The following EPM2A variants were observed in gnomAD, a reference collection of about 807,000 sequenced individuals.
EPM2A encodes laforin.
Under a neutral mutation model 26.5 loss-of-function variants are expected in EPM2A, and 21 were observed. The observed-to-expected ratio is 0.79, with a 90% CI of 0.56 to 1.14. The LOEUF (loss-of-function observed/expected upper bound fraction) is 1.14. EPM2A is among the 50% of genes most tolerant of loss of function. The pLI is 0.00. For missense variants in EPM2A, 458 were observed against 440.8 expected, an observed-to-expected ratio of 1.04 and a Z score of -0.35; for synonymous variants, 217 against 177.6, an observed-to-expected ratio of 1.22 and a Z score of -1.76.
chr6:145,390,550 T>C (rs1186617375), intron 4 of EPM2A, among the ~76,000 whole-genome samples: 1 of 141,590 alleles, frequency 7.1e-6, no homozygotes, highest in African/African-American at 2.5e-5. Flanking sequence ...TTTATCCATG[T>C]TGTGCATGCA....
chr6:145,639,073 G>A (rs1776897322), intron 2 of EPM2A: 1 of 152,154 alleles, frequency 6.6e-6, no homozygotes. Context: ...GTTGACATAT[G>A]AGATTAGAGA....
intron 4 of EPM2A, among the ~76,000 whole-genome samples, chr6:145,386,344 C>T (rs1057074462): frequency 6.6e-6 from 1 of 151,902 alleles, no homozygotes; most frequent in African/African-American, 2.4e-5. Context: ...GTGAGAAAAA[C>T]TATATTTAAA....
In EPM2A at chr6:145,430,428, C is replaced by T. The variant is rs144683003; in HGVS notation, c.556-46331G>A. The stretch of plus-strand genomic sequence containing the variant: ...CAGCCTGGCCAACATGGTGAAACCC[C>T]GTCTCTACTAAAAATACAAAAACTT... On this transcript the variant is annotated intron_variant, in intron 4 of 4. Coordinates refer to the EPM2A transcript ENST00000638717. 9.2e-5 allele frequency among the ~76,000 whole-genome samples: 14 copies of T among 151,386 alleles called. No homozygotes were observed. The East Asian group carries it at 2.6e-3, about 28-fold the overall frequency.
At chr6:145,527,811 G>A (rs962354512) in intron 2 of EPM2A, among the ~76,000 whole-genome samples, 10 of 151,988 alleles carry the variant, frequency 6.6e-5, no homozygotes, top group African/African-American at 2.4e-4. Flanking sequence ...AAATGATTAC[G>A]CCTAGTAAGA....
In EPM2A at chr6:145,710,849, T is replaced by C. The variant is rs542241208; in HGVS notation, c.301+24349A>G. Reference sequence around the variant, plus strand: ...ACATAGATGAAGCTGGAAATCATCATTCTGAGCAAAGTATTGCAAGGACAA... The same window carrying C: ...ACATAGATGAAGCTGGAAATCATCACTCTGAGCAAAGTATTGCAAGGACAA... On this transcript the variant is annotated intron_variant, in intron 1 of 3. Coordinates refer to ENST00000367519, the MANE Select transcript of EPM2A (RefSeq NM_005670.4). Among the ~76,000 whole-genome samples, 65 of 151,744 alleles carry C rather than the reference T, an allele frequency of 4.3e-4. 1 individual carries two copies. The highest frequency in any genetic ancestry group is 5.7e-4 in the Non-Finnish European group (39 of 67,962).
chr6:145,405,756 C>A (rs1167808136), intron 4 of EPM2A, among the ~76,000 whole-genome samples: 2 of 152,054 alleles, frequency 1.3e-5, no homozygotes, highest in African/African-American at 4.8e-5. Context: ...AAAGAAACTT[C>A]AGGTAAGAAA....
chr6:145,679,627 A>C (rs1324608475), intron 2 of EPM2A, among the ~76,000 whole-genome samples: 1 of 152,154 alleles, frequency 6.6e-6, no homozygotes, highest in Non-Finnish European at 1.5e-5. Context: ...AGTCTTCTGC[A>C]CTGAGAGCTT....
At chr6:145,433,041 T>A (rs1201696714) in intron 4 of EPM2A, among the ~76,000 whole-genome samples, 1 of 152,176 alleles carries the variant, frequency 6.6e-6, no homozygotes, top group Non-Finnish European at 1.5e-5. Context: ...GGATTAGGTG[T>A]CAGCTTAAGG....
At chr6:145,451,580 G>T (rs980172499) in intron 4 of EPM2A, among the ~76,000 whole-genome samples, 2 of 152,182 alleles carry the variant, frequency 1.3e-5, no homozygotes, top group African/African-American at 4.8e-5. Flanking sequence ...TGCTGCAAGA[G>T]ACCGAATTTA....
chr6:145,665,530 C>T (rs921985276), intron 2 of EPM2A, among the ~76,000 whole-genome samples: 1 of 134,454 alleles, frequency 7.4e-6, no homozygotes, highest in Non-Finnish European at 1.6e-5. Flanking sequence ...CAATAGTTTA[C>T]CAACCAAAAA....
chr6:145,724,671 A>G (rs1776105232), intron 1 of EPM2A, among the ~76,000 whole-genome samples: 1 of 152,116 alleles, frequency 6.6e-6, no homozygotes, highest in African/African-American at 2.4e-5. Flanking sequence ...GACATATAGA[A>G]CTGAATAGAG....
intron 2 of EPM2A, among the ~76,000 whole-genome samples, chr6:145,509,296 T>C (rs890921997): frequency 5.3e-5 from 8 of 151,988 alleles, no homozygotes; most frequent in African/African-American, 2.4e-5. Flanking sequence ...CATCAGACTA[T>C]CCAAGGTCAA....
chr6:145,456,819 G>A (rs1020776648), intron 4 of EPM2A, among the ~76,000 whole-genome samples: 11 of 152,130 alleles, frequency 7.2e-5, no homozygotes, highest in East Asian at 1.9e-4. Flanking sequence ...TTCTACTGTC[G>A]GGTAGCATTA....
In EPM2A at chr6:145,626,291, C is replaced by A. The variant is rs1025955554; in HGVS notation, c.*1125G>T. On this transcript the variant is annotated 3_prime_UTR_variant, in exon 4 of 4. Coordinates refer to ENST00000367519, the MANE Select transcript of EPM2A (RefSeq NM_005670.4). ...GGTGATGAGCTGCATAGTCTGGAGG[C>A]ACAGGAACTGCATATTATACTAAAT... The A allele has an allele frequency of 4.1e-6, 4 of 986,782 alleles. No individual in the cohort carries two copies. The highest frequency in any genetic ancestry group is 4.8e-6 in the Non-Finnish European group (4 of 830,850). 61.1% of individuals were successfully genotyped at this position (986,782 alleles called of 1,614,324 possible).
At chr6:145,582,161 AT>A (rs201976676) in intron 2 of EPM2A, among the ~76,000 whole-genome samples, 9 of 151,568 alleles carry the variant, frequency 5.9e-5, no homozygotes, top group East Asian at 5.8e-4. Flanking sequence ...TTAGATTCAA[AT>A]TTTTTTTTAT....
At position 145,625,951 on chromosome 6, in the gene EPM2A, G is replaced by C; in HGVS notation, c.*1465C>G. The C allele has an allele frequency of 7.9e-7, 1 of 1,258,820 alleles. No homozygotes were observed. Among genetic ancestry groups the C allele is most frequent in the Non-Finnish European group, 1.1e-6 (1 of 948,224 alleles). 78.0% of individuals were successfully genotyped at this position (1,258,820 alleles called of 1,614,324 possible). The stretch of plus-strand genomic sequence containing the variant: ...AGGGCTTTGAATCAAACCCAGCTTT[G>C]TATCTCACTTCATCTATTTATTCAT... On this transcript the variant is annotated 3_prime_UTR_variant, in exon 4 of 4. Coordinates refer to ENST00000367519, the MANE Select transcript of EPM2A (RefSeq NM_005670.4).
At chr6:145,400,568 C>T (rs549638686) in intron 4 of EPM2A, among the ~76,000 whole-genome samples, 2 of 152,162 alleles carry the variant, frequency 1.3e-5, no homozygotes, top group Admixed American at 6.5e-5. Flanking sequence ...TGGTTCTGAT[C>T]AGTTAACAGA....
chr6:145,554,678 G>C (rs889992411), intron 2 of EPM2A, among the ~76,000 whole-genome samples: 2 of 152,038 alleles, frequency 1.3e-5, no homozygotes, highest in Non-Finnish European at 2.9e-5. Context: ...GGCATCACAA[G>C]GTGAGAGAGG....
intron 2 of EPM2A, among the ~76,000 whole-genome samples, chr6:145,519,045 G>A (rs571696842): frequency 6.6e-6 from 1 of 152,328 alleles, no homozygotes; most frequent in African/African-American, 2.4e-5. Context: ...AGCATTGCAT[G>A]AGAACTGAAT....
Sources: allele counts gnomAD v4.1 joint callset (sites outside exome capture counted in the v4.1 genomes callset), GRCh38; gene constraint gnomAD v4.1.1; transcripts MANE v1.5; gene names NCBI Gene and HGNC (gene_info 2026-07-23, HGNC 2026-07-21).